Variants in UTP4 observed in about 807,000 individuals in gnomAD.
UTP4 encodes UTP4 small subunit processome component.
In UTP4, 45 loss-of-function variants were observed where a neutral mutation model predicts 82.4. The observed-to-expected ratio is 0.55, with a 90% CI of 0.43 to 0.70. The LOEUF is 0.70. Among genes scored for constraint, UTP4 ranks in the 30% least tolerant of loss-of-function variants. The probability of loss-of-function intolerance (pLI) is 0.00; values close to 1 mark genes in which losing one functional copy is unlikely to be tolerated. For missense variants in UTP4, 819 were observed against 858.3 expected (o/e 0.95, Z 0.57); for synonymous variants, 348 against 300.3 (o/e 1.16, Z -1.64).
intron 13 of UTP4, among the ~76,000 whole-genome samples, chr16:69,160,919 A>T (rs937983976): frequency 1.3e-5 from 2 of 151,860 alleles, no homozygotes; most frequent in African/African-American, 4.8e-5. Flanking sequence ...TTTAACTAAT[A>T]ATTTTTCCAG....
At chr16:69,156,661 G>A (rs766205753) in intron 11 of UTP4, among the ~76,000 whole-genome samples, 18 of 151,502 alleles carry the variant, frequency 1.2e-4, no homozygotes, top group Admixed American at 2.0e-4. Flanking sequence ...GTTTCACCAC[G>A]TTGGCCAGGC....
At position 69,139,816 on chromosome 16, in the gene UTP4, ACTC is replaced by A. The variant is rs781243189; in HGVS notation, c.437-7_437-5del. On this transcript the variant is annotated splice_polypyrimidine_tract_variant and splice_region_variant and intron_variant, in intron 4 of 16. Transcript: ENST00000314423. ...TGTCACTTTCTTTTTTTGTTGTCCA[ACTC>A]CCAAGGTCGCATCCTGAGTCTCAGC... The A allele has an allele frequency of 6.2e-7, 1 of 1,607,392 alleles. No individual in the cohort carries two copies. Among genetic ancestry groups the A allele is most frequent in the South Asian group, 1.1e-5 (1 of 90,914 alleles).
In UTP4 at chr16:69,143,111, G is replaced by T. The variant is rs538357729; in HGVS notation, c.527-67G>T. On this transcript the variant is annotated intron_variant, in intron 5 of 16. Transcript: ENST00000314423. ...GGGCTCAAGCAGTCCTTCCACTTTG[G>T]CCGCAGGCAGATTTTGAAGACAGAG... 243 of 1,543,382 alleles carry T rather than the reference G, an allele frequency of 1.6e-4. No individual in the cohort carries two copies. In the African/African-American group the frequency reaches 2.7e-3, roughly 17 times the overall value.
intron 12 of UTP4, among the ~76,000 whole-genome samples, chr16:69,157,825 G>A (rs949846617): frequency 4.0e-5 from 6 of 149,946 alleles, no homozygotes; most frequent in Admixed American, 1.3e-4. Flanking sequence ...TTGAACTCCT[G>A]GGGTCAAGTG....
chr16:69,147,391 G>C (rs1428476271), intron 6 of UTP4, among the ~76,000 whole-genome samples: 1 of 151,880 alleles, frequency 6.6e-6, no homozygotes, highest in Non-Finnish European at 1.5e-5. Context: ...TGTAGTCCCA[G>C]CTACTCGGGA....
chr16:69,162,660 C>T lies in UTP4; in HGVS notation c.1552-423C>T, dbSNP rs138517942. 5.1e-3 allele frequency among the ~76,000 whole-genome samples: 729 copies of T among 143,146 alleles called. 3 individuals are homozygous for T. The highest frequency in any genetic ancestry group is 0.018 in the African/African-American group (710 of 38,640). The allele number at this position is 143,146 out of a possible 152,430, so 93.9% of individuals were successfully genotyped here. ...CCGGAAGGTGGAGGTTGCAGTGAGT[C>T]AAGATCATGCCATTGCACTCCAGCC... On this transcript the variant is annotated intron_variant, in intron 13 of 16. Transcript: ENST00000314423.
chr16:69,152,161 G>A (rs748054266), intron 8 of UTP4, among the ~76,000 whole-genome samples: 6 of 151,732 alleles, frequency 4.0e-5, no homozygotes, highest in East Asian at 1.9e-4. Flanking sequence ...GTCTACGCTG[G>A]CATCATCCTA....
intron 5 of UTP4, among the ~76,000 whole-genome samples, chr16:69,142,673 C>T (rs1962991242): frequency 6.6e-6 from 1 of 152,188 alleles, no homozygotes; most frequent in South Asian, 2.1e-4. Context: ...TAAGTCAGTG[C>T]CACTACTTGT....
chr16:69,150,954 T>G, intron 8 of UTP4, 50 bp downstream of exon 8: 1 of 1,346,072 alleles, frequency 7.4e-7, no homozygotes, highest in Non-Finnish European at 1.1e-6. Flanking sequence ...CCCATCCCTG[T>G]GTCCCCCTGT....
chr16:69,151,889 A>G (rs543411145), intron 8 of UTP4, among the ~76,000 whole-genome samples: 1 of 151,652 alleles, frequency 6.6e-6, no homozygotes, highest in South Asian at 2.1e-4. Flanking sequence ...CCAGTGTTCT[A>G]GGTAAATGGT....
At chr16:69,154,331 A>G in intron 9 of UTP4, 62 bp from the exon 10 acceptor site, 6 of 1,347,864 alleles carry the variant, frequency 4.5e-6, no homozygotes, top group Non-Finnish European at 6.4e-6. Flanking sequence ...ACTTTTTAGA[A>G]GAAAAATGTA....
chr16:69,164,608 ATATATATG>A (rs1457285000), intron 14 of UTP4, among the ~76,000 whole-genome samples: 1 of 138,470 alleles, frequency 7.2e-6, no homozygotes, highest in African/African-American at 2.6e-5. Flanking sequence ...ATATATATAT[ATATATATG>A]TATATATATA....
chr16:69,150,774 G>A (rs887847811), intron 7 of UTP4, 39 bp from the exon 8 acceptor site: 1 of 1,613,192 alleles, frequency 6.2e-7, no homozygotes, highest in African/African-American at 1.3e-5. Flanking sequence ...TCGTGAGGAT[G>A]ACTTCTAATT....
rs777399009 is a variant in UTP4, at chr16:69,143,276, A to G, written c.625A>G (p.Ile209Val). 5.6e-6 allele frequency: 9 copies of G among 1,614,082 alleles called. No individual in the cohort carries two copies. In the African/African-American group the frequency reaches 8.0e-5, roughly 14 times the overall value. Reference protein sequence around the residue: ...WGVAFLSDGTIISVDSAGKVQ... With the variant: ...WGVAFLSDGTVISVDSAGKVQ... Reference sequence around the variant, plus strand: ...TGTCGCCTTCTTGTCCGATGGCACTATCATAAGTGTGGACTCTGCTGGGAA... The same window carrying G: ...TGTCGCCTTCTTGTCCGATGGCACTGTCATAAGTGTGGACTCTGCTGGGAA... The change falls in exon 6 of 17, where the codon ATC (isoleucine) becomes GTC (valine). Residue 209 changes from isoleucine (I) to valine (V), a missense_variant. Coordinates refer to ENST00000314423, the MANE Select transcript of UTP4 (RefSeq NM_032830.3).
intron 14 of UTP4, among the ~76,000 whole-genome samples, chr16:69,164,601 T>TATAC (rs1316395134): frequency 2.1e-5 from 3 of 144,256 alleles, no homozygotes; most frequent in Non-Finnish European, 4.5e-5. Flanking sequence ...TATATATATA[T>TATAC]ATATATATAT....
chr16:69,147,001 C>CAAAAAAA (rs71148965), intron 6 of UTP4, among the ~76,000 whole-genome samples: 5 of 85,786 alleles, frequency 5.8e-5, no homozygotes, highest in Middle Eastern at 6.5e-3. Context: ...GACTCTGCCT[C>CAAAAAAA]AAAAAAAAAA....
rs1963723080 is a variant in UTP4, at chr16:69,167,160, C to T, written c.1919C>T (p.Ala640Val). The T allele has an allele frequency of 6.2e-7, 1 of 1,611,702 alleles. No individual in the cohort carries two copies. The highest frequency in any genetic ancestry group is 8.5e-7 in the Non-Finnish European group (1 of 1,177,840). ...SDVIRRRTAH[A>V]FKISKIYKPL... Reference sequence around the variant, plus strand: ...GTCATCCGGAGGCGCACAGCTCATGCTTTTAAAATTTCTAAGATATATAAG... The same window carrying T: ...GTCATCCGGAGGCGCACAGCTCATGTTTTTAAAATTTCTAAGATATATAAG... Residue 640 changes from alanine (A) to valine (V), a missense_variant, in exon 16 of 17, where the codon GCT becomes GTT. Physicochemically the swap from Ala to Val is moderately conservative, Grantham distance 64 (BLOSUM62 0). Coordinates refer to ENST00000314423, the MANE Select transcript of UTP4 (RefSeq NM_032830.3).
intron 4 of UTP4, 117 bp from the exon 5 acceptor site, chr16:69,139,708 T>C: frequency 1.4e-6 from 1 of 720,078 alleles, no homozygotes. Flanking sequence ...AGGAGTACTA[T>C]AGATGAGAGA....
In UTP4 at chr16:69,150,933, C is replaced by T. The variant is rs1963245981; in HGVS notation, c.1002+29C>T. 7 of 1,491,948 alleles carry T rather than the reference C, an allele frequency of 4.7e-6. No individual in the cohort carries two copies. In the East Asian group the frequency reaches 9.0e-5, roughly 19 times the overall value. 92.4% of individuals were successfully genotyped at this position (1,491,948 alleles called of 1,614,324 possible). On this transcript the variant is annotated intron_variant, in intron 8 of 16. Coordinates refer to ENST00000314423, the MANE Select transcript of UTP4 (RefSeq NM_032830.3). ...AGTGTCCATTCCAAGCCCCTGCTAA[C>T]CCCTCATCTCCCCATCCCTGTGTCC...
Sources: allele counts gnomAD v4.1 joint callset (sites outside exome capture counted in the v4.1 genomes callset), GRCh38; gene constraint gnomAD v4.1.1; transcripts MANE v1.5; gene names NCBI Gene and HGNC (gene_info 2026-07-23, HGNC 2026-07-21).